CNP: variants seen among roughly 807,000 people sequenced by gnomAD.
CNP encodes the protein 2',3'-cyclic-nucleotide 3'-phosphodiesterase.
A neutral mutation model predicts 37.9 loss-of-function variants in CNP; 8 were observed. The ratio of observed to expected loss-of-function variants is 0.21; its 90% confidence interval spans 0.12 to 0.38. The LOEUF is 0.38. CNP is among the 10% of genes least tolerant of loss of function. CNP has a pLI of 1.00. For synonymous variants in CNP, 237 were observed against 238.3 expected, an observed-to-expected ratio of 0.99 and a Z score of 0.05; for missense variants, 457 against 551.0, an observed-to-expected ratio of 0.83 and a Z score of 1.71.
In CNP at chr17:41,976,301, G is replaced by A. The variant is rs1286577726; in HGVS notation, c.*2377G>A. ...ACTCACATGCTGGACAGGTCTGGGA[G>A]AGGCAGAGTGCCCCACCTGCCACTA... On this transcript the variant is annotated 3_prime_UTR_variant, in exon 4 of 4. Coordinates refer to ENST00000393892, the MANE Select transcript of CNP (RefSeq NM_033133.5). 1 of 211,214 alleles carries A rather than the reference G, an allele frequency of 4.7e-6. No individual in the cohort carries two copies. The highest frequency in any genetic ancestry group is 9.3e-6 in the Non-Finnish European group (1 of 107,012). The allele number at this position is 211,214 out of a possible 1,614,324, so 13.1% of individuals were successfully genotyped here.
At position 41,976,528 on chromosome 17, in the gene CNP, C is replaced by T. The variant is rs1434913561; in HGVS notation, c.*2604C>T. 2.3e-5 allele frequency: 13 copies of T among 561,148 alleles called. No individual in the cohort carries two copies. The highest frequency in any genetic ancestry group is 2.0e-4 in the African/African-American group (10 of 50,290). The allele number at this position is 561,148 out of a possible 1,614,324, so 34.8% of individuals were successfully genotyped here. A position where few individuals can be genotyped will look rare whatever the true frequency, so the allele number is the denominator to read the frequency against. On this transcript the variant is annotated 3_prime_UTR_variant, in exon 4 of 4. Coordinates refer to ENST00000393892, the MANE Select transcript of CNP (RefSeq NM_033133.5). ...AATTCACAAGCTGCCTCCCTGTCCA[C>T]CCCCGCCTCCCTCCCCTGCCCTCGG...
Position 41,968,876 on chromosome 17 carries a change from G to A in CNP, c.676+136G>A. The stretch of plus-strand genomic sequence containing the variant: ...GAGAGGCTCACCTCAGCGGGGGCAG[G>A]GGCAAGCGGTGCGTCCCAGTGGTAG... On this transcript the variant is annotated intron_variant, in intron 2 of 3. Transcript: ENST00000393892. This position sits in a 1 kb window ranked among gnomAD's most constrained non-coding sequence, Gnocchi z 4.8. 8.4e-6 allele frequency: 9 copies of A among 1,075,960 alleles called. No homozygotes were observed. Among genetic ancestry groups the A allele is most frequent in the East Asian group, 2.6e-5 (1 of 38,340 alleles). The allele number at this position is 1,075,960 out of a possible 1,614,324, so 66.7% of individuals were successfully genotyped here.
In CNP at chr17:41,977,169, TG is replaced by T. The variant is rs1296803625; in HGVS notation, c.*3248del. ...ATGAGAATTCAGCTGCCCCCGCTCA[TG>T]GGCCCCTCTGACTCCCAAAGAGCTG... On this transcript the variant is annotated 3_prime_UTR_variant, in exon 4 of 4. Coordinates refer to ENST00000393892, the MANE Select transcript of CNP (RefSeq NM_033133.5). The T allele has an allele frequency of 1.5e-6, 2 of 1,298,688 alleles. No individual in the cohort carries two copies. The highest frequency in any genetic ancestry group is 2.1e-5 in the Admixed American group (1 of 46,520). 80.4% of individuals were successfully genotyped at this position (1,298,688 alleles called of 1,614,324 possible).
rs2050943000 is a variant in CNP at position 41,968,872 on chromosome 17, G to C, written c.676+132G>C. On this transcript the variant is annotated intron_variant, in intron 2 of 3. Transcript: ENST00000393892. The surrounding 1 kb of genome is among the most constrained non-coding windows in gnomAD (Gnocchi z 4.8). ...CAGAGAGAGGCTCACCTCAGCGGGG[G>C]CAGGGGCAAGCGGTGCGTCCCAGTG... is the stretch of plus-strand genomic sequence containing the variant. 1 of 1,089,592 alleles carries C rather than the reference G, an allele frequency of 9.2e-7. No individual in the cohort carries two copies. The highest frequency in any genetic ancestry group is 1.3e-6 in the Non-Finnish European group (1 of 782,144). The allele number at this position is 1,089,592 out of a possible 1,614,324, so 67.5% of individuals were successfully genotyped here. A position where few individuals can be genotyped will look rare whatever the true frequency, so the allele number is the denominator to read the frequency against.
intron 2 of CNP, chr17:41,971,131 A>G (rs1281190321): frequency 6.6e-6 from 1 of 152,280 alleles, no homozygotes; most frequent in African/African-American, 2.4e-5. Context: ...ATTGATAGAT[A>G]GGGTTGGTCA....
At chr17:41,970,467 C>T (rs12952456) in intron 2 of CNP, 31,012 of 146,956 alleles carry the variant, frequency 0.21, 3,679 homozygotes, top group African/African-American at 0.32. Context: ...TGGGGCAATT[C>T]GGCTTACTGC....
rs971414063 is a variant in CNP at position 41,966,807 on chromosome 17, C to T, written c.-78C>T. ...CTCGGGTCGTGCCACCGCTGGACTC[C>T]CGTGTCCCTCCGCGCAGGCGGGCGG... On this transcript the variant is annotated 5_prime_UTR_variant, in exon 1 of 4. Transcript: ENST00000393892. The T allele has an allele frequency of 1.2e-5, 16 of 1,379,772 alleles. No homozygotes were observed. Among genetic ancestry groups the T allele is most frequent in the South Asian group, 7.9e-5 (5 of 63,308 alleles). The allele number at this position is 1,379,772 out of a possible 1,614,324, so 85.5% of individuals were successfully genotyped here.
At chr17:41,967,840 C>G in intron 1 of CNP, 11 of 1,383,356 alleles carry the variant, frequency 8.0e-6, no homozygotes, top group Non-Finnish European at 1.0e-5. Flanking sequence ...GTTTACCTTT[C>G]CGAAGTGGCA....
rs782683469 is a variant in CNP at position 41,968,316 on chromosome 17, C to G, written c.252C>G (p.Asp84Glu). 6.2e-7 allele frequency: 1 copy of G among 1,614,096 alleles called. No individual in the cohort carries two copies. The highest frequency in any genetic ancestry group is 1.3e-5 in the African/African-American group (1 of 75,066). The change falls in exon 2 of 4, where the codon GAC becomes GAG. Residue 84 changes from aspartate to glutamate, a missense_variant. By Grantham distance (45) the Asp-to-Glu change is conservative (BLOSUM62 2). Transcript: ENST00000393892. This position sits in a 1 kb window ranked among gnomAD's most constrained non-coding sequence, Gnocchi z 4.8. ...YRDGTKMVSA[D>E]AYKITPGARG... ...ATGGCACCAAGATGGTGTCGGCTGA[C>G]GCTTACAAGATCACCCCCGGCGCTC...
intron 2 of CNP, chr17:41,970,855 G>A (rs1249699596): frequency 7.3e-5 from 11 of 151,230 alleles, no homozygotes; most frequent in African/African-American, 2.7e-4. Context: ...TCCAAAGACA[G>A]CCACAGGTGT....
rs568837179 is a variant in CNP at position 41,968,867 on chromosome 17, C to G, written c.676+127C>G. On this transcript the variant is annotated intron_variant, in intron 2 of 3. Coordinates refer to ENST00000393892, the MANE Select transcript of CNP (RefSeq NM_033133.5). The surrounding 1 kb of genome is among the most constrained non-coding windows in gnomAD (Gnocchi z 4.8). ...GGAGGCAGAGAGAGGCTCACCTCAG[C>G]GGGGGCAGGGGCAAGCGGTGCGTCC... 5.2e-6 allele frequency: 6 copies of G among 1,157,158 alleles called. No homozygotes were observed. In the Admixed American group the frequency reaches 1.4e-4, roughly 27 times the overall value. The allele number at this position is 1,157,158 out of a possible 1,614,324, so 71.7% of individuals were successfully genotyped here. A position where few individuals can be genotyped will look rare whatever the true frequency, so the allele number is the denominator to read the frequency against.
Position 41,968,087 on chromosome 17 carries a change from A to G in CNP, c.23A>G (p.Lys8Arg). 1.2e-6 allele frequency: 2 copies of G among 1,613,710 alleles called. No homozygotes were observed. Among genetic ancestry groups the G allele is most frequent in the Non-Finnish European group, 1.7e-6 (2 of 1,179,664 alleles). The change falls in exon 2 of 4, where the codon AAA (lysine) becomes AGA (arginine). Residue 8 changes from lysine to arginine, a missense_variant. Lys to Arg is a conservative substitution (Grantham distance 26). This residue lies in a region of CNP where 166 missense variants were observed against 259.3 expected (regional missense o/e 0.64). Coordinates refer to ENST00000393892, the MANE Select transcript of CNP (RefSeq NM_033133.5). This position sits in a 1 kb window ranked among gnomAD's most constrained non-coding sequence, Gnocchi z 4.8. Reference protein sequence around the residue: MNRGFSRKSHTFLPKIFF... With the variant: MNRGFSRRSHTFLPKIFF... ...ACACAGAACAGAGGCTTCTCCCGAA[A>G]AAGCCACACATTCCTGCCCAAGATC...
rs372794545 is a variant in CNP at position 41,968,868 on chromosome 17, G to A, written c.676+128G>A. The A allele has an allele frequency of 7.1e-6, 8 of 1,123,058 alleles. No homozygotes were observed. Among genetic ancestry groups the A allele is most frequent in the East Asian group, 2.6e-5 (1 of 38,598 alleles). 69.6% of individuals were successfully genotyped at this position (1,123,058 alleles called of 1,614,324 possible). On this transcript the variant is annotated intron_variant, in intron 2 of 3. Coordinates refer to ENST00000393892, the MANE Select transcript of CNP (RefSeq NM_033133.5). This position sits in a 1 kb window ranked among gnomAD's most constrained non-coding sequence, Gnocchi z 4.8. ...GAGGCAGAGAGAGGCTCACCTCAGC[G>A]GGGGCAGGGGCAAGCGGTGCGTCCC... is the stretch of plus-strand genomic sequence containing the variant.
chr17:41,968,482 C>A lies in CNP; in HGVS notation c.418C>A (p.Gln140Lys). The change falls in exon 2 of 4, where the codon CAG (glutamine) becomes AAG (lysine). Residue 140 changes from glutamine (Q) to lysine (K), a missense_variant. Around this residue, in one of 2 missense-constraint regions of CNP, gnomAD observed 166 missense variants for 259.3 expected, o/e 0.64. Transcript: ENST00000393892. The surrounding 1 kb of genome is among the most constrained non-coding windows in gnomAD (Gnocchi z 4.8). ...GGAGCAGCTCTTTGAAATGGCCGAC[C>A]AGTACCAGTACCAGGTGGTGCTGGT... ...RLEQLFEMAD[Q>K]YQYQVVLVEP... is the part of the protein sequence containing the mutation. 1 of 1,614,130 alleles carries A rather than the reference C, an allele frequency of 6.2e-7. No individual in the cohort carries two copies. Among genetic ancestry groups the A allele is most frequent in the Non-Finnish European group, 8.5e-7 (1 of 1,180,026 alleles).
At position 41,974,114 on chromosome 17, in the gene CNP, C is replaced by G. The variant is rs577501094; in HGVS notation, c.*190C>G. The G allele has an allele frequency of 2.1e-6, 1 of 482,968 alleles. No homozygotes were observed. The highest frequency in any genetic ancestry group is 2.0e-5 in the African/African-American group (1 of 49,824). 29.9% of individuals were successfully genotyped at this position (482,968 alleles called of 1,614,324 possible). A position where few individuals can be genotyped will look rare whatever the true frequency, so the allele number is the denominator to read the frequency against. The stretch of plus-strand genomic sequence containing the variant: ...CCGCCCTCTTCCCCTCTAATGCTCA[C>G]GCTCCCAACACAAGGTGGGCAGGGA... On this transcript the variant is annotated 3_prime_UTR_variant, in exon 4 of 4. Coordinates refer to ENST00000393892, the MANE Select transcript of CNP (RefSeq NM_033133.5).
Position 41,966,850 on chromosome 17 carries a change from C to T in CNP, c.-35C>T. On this transcript the variant is annotated 5_prime_UTR_variant, in exon 1 of 4. Coordinates refer to ENST00000393892, the MANE Select transcript of CNP (RefSeq NM_033133.5). Reference sequence around the variant, plus strand: ...GCGGGCGGCCCCGGAGCGCTGGTGCCGGCAGAGGCGGCGACGGTGGCGCCC... The same window carrying T: ...GCGGGCGGCCCCGGAGCGCTGGTGCTGGCAGAGGCGGCGACGGTGGCGCCC... 1.5e-6 allele frequency: 2 copies of T among 1,369,268 alleles called. No homozygotes were observed. The highest frequency in any genetic ancestry group is 1.9e-6 in the Non-Finnish European group (2 of 1,062,782). The allele number at this position is 1,369,268 out of a possible 1,614,324, so 84.8% of individuals were successfully genotyped here.
At chr17:41,970,508 C>T (rs781915249) in intron 2 of CNP, 1 of 150,378 alleles carries the variant, frequency 6.6e-6, no homozygotes. Flanking sequence ...AAGCAATTCT[C>T]CTGCCTCAGC....
intron 3 of CNP, 98 bp downstream of exon 3, chr17:41,972,129 A>G: frequency 7.0e-7 from 1 of 1,422,862 alleles, no homozygotes; most frequent in Non-Finnish European, 9.6e-7. Flanking sequence ...GGCAGGGACC[A>G]AAAACCAGAT....
chr17:41,973,127 C>T (rs1448828904), intron 3 of CNP, among the ~76,000 whole-genome samples: 1 of 152,188 alleles, frequency 6.6e-6, no homozygotes, highest in Non-Finnish European at 1.5e-5. Context: ...CTGAGGTAGG[C>T]TCTGGTTCTC....
Sources: allele counts gnomAD v4.1 joint callset (sites outside exome capture counted in the v4.1 genomes callset), GRCh38; gene constraint gnomAD v4.1.1; regional missense constraint gnomAD v4.1.1; non-coding constraint Gnocchi (gnomAD v3.1); transcripts MANE v1.5; gene names NCBI Gene and HGNC (gene_info 2026-07-23, HGNC 2026-07-21).